The following LPP variants were observed in gnomAD, a reference collection of about 807,000 sequenced individuals.
LPP encodes the protein LIM domain containing preferred translocation partner in lipoma, also known as lipoma-preferred partner.
In LPP, 38 loss-of-function variants were observed where a neutral mutation model predicts 60.4. That is an observed-to-expected ratio of 0.63 (90% CI 0.49 to 0.83). The LOEUF (loss-of-function observed/expected upper bound fraction) is 0.83, where lower values mean the gene tolerates loss of function less well. Ranked by LOEUF, LPP falls within the 40% of genes least tolerant of loss-of-function variation. The pLI, the probability that LPP is intolerant of heterozygous loss-of-function variation, is 0.00. For missense variants in LPP, 902 were observed against 783.6 expected (o/e 1.15, Z -1.80); for synonymous variants, 328 against 290.8 (o/e 1.13, Z -1.30).
intron 4 of LPP, among the ~76,000 whole-genome samples, chr3:188,411,229 A>T (rs1422724549): frequency 1.3e-5 from 2 of 151,996 alleles, no homozygotes; most frequent in Non-Finnish European, 2.9e-5. Context: ...ATACCACCTT[A>T]CTCCTGCAAG....
intron 6 of LPP, among the ~76,000 whole-genome samples, chr3:188,563,486 G>GTGTGTGTGTGTGT (rs1553929550): frequency 3.5e-5 from 3 of 84,550 alleles, no homozygotes; most frequent in African/African-American, 6.5e-5. Flanking sequence ...GTGTGTGTGT[G>GTGTGTGTGTGTGT]GTATATTATC....
chr3:188,501,403 A>G (rs372206518), intron 5 of LPP, among the ~76,000 whole-genome samples: 2 of 152,178 alleles, frequency 1.3e-5, no homozygotes, highest in African/African-American at 2.4e-5. Context: ...TCACGAGGAC[A>G]GGAGTTTAAG....
At chr3:188,638,403 A>G (rs1457421408) in intron 7 of LPP, among the ~76,000 whole-genome samples, 5 of 144,626 alleles carry the variant, frequency 3.5e-5, no homozygotes, top group African/African-American at 1.3e-4. Context: ...CCCACAGCCA[A>G]TATCATACTG....
At chr3:188,643,644 G>A (rs1419431330) in intron 7 of LPP, among the ~76,000 whole-genome samples, 1 of 152,042 alleles carries the variant, frequency 6.6e-6, no homozygotes. Flanking sequence ...CCTGTCCTGT[G>A]CAGGAGTATA....
intron 5 of LPP, among the ~76,000 whole-genome samples, chr3:188,512,815 A>G (rs1227047991): frequency 3.3e-5 from 5 of 152,284 alleles, no homozygotes; most frequent in Admixed American, 6.5e-5. Context: ...ATTTTGGGGA[A>G]TGTGAGAAAG....
intron 7 of LPP, among the ~76,000 whole-genome samples, chr3:188,636,134 A>C (rs901819906): frequency 6.6e-6 from 1 of 152,210 alleles, no homozygotes; most frequent in African/African-American, 2.4e-5. Flanking sequence ...CTGCATTTCC[A>C]TCTGAGGTAC....
chr3:188,866,279 C>A lies in LPP; in HGVS notation c.1490C>A (p.Pro497His). The change falls in exon 10 of 12, where the codon CCT becomes CAT. Residue 497 changes from proline to histidine, a missense_variant. Pro to His is a moderately conservative substitution (Grantham distance 77). Transcript: ENST00000617246. ...CGAGCCACCGGGAAGGCCTATCATC[C>A]TCACTGTTTCACCTGCGTGATGTGC... is the stretch of plus-strand genomic sequence containing the variant. ...ILRATGKAYH[P>H]HCFTCVMCHR... The A allele has an allele frequency of 6.3e-7, 1 of 1,593,142 alleles. No homozygotes were observed. Among genetic ancestry groups the A allele is most frequent in the Admixed American group, 1.7e-5 (1 of 57,246 alleles).
chr3:188,565,106 A>G (rs765777575), intron 6 of LPP, among the ~76,000 whole-genome samples: 1 of 151,932 alleles, frequency 6.6e-6, no homozygotes, highest in Non-Finnish European at 1.5e-5. Flanking sequence ...TCTTCCTCCA[A>G]CACAGCTCCT....
chr3:188,371,820 A>G, intron 3 of LPP, among the ~76,000 whole-genome samples: 1 of 149,578 alleles, frequency 6.7e-6, no homozygotes, highest in East Asian at 2.0e-4. Flanking sequence ...ACACCTGGCT[A>G]ATTATTTTTG....
At chr3:188,273,787 G>A (rs1738692496) in intron 2 of LPP, among the ~76,000 whole-genome samples, 1 of 151,444 alleles carries the variant, frequency 6.6e-6, no homozygotes, top group Non-Finnish European at 1.5e-5. Context: ...GTAGAGATGG[G>A]GTTTCACCAT....
intron 2 of LPP, among the ~76,000 whole-genome samples, chr3:188,288,256 T>C (rs1470237894): frequency 6.6e-6 from 1 of 152,244 alleles, no homozygotes; most frequent in East Asian, 1.9e-4. Flanking sequence ...ATTCCACTTG[T>C]GAGCGACATT....
Position 188,249,902 on chromosome 3 carries a change from T to TATATATA in LPP, c.-67+24375_-67+24376insATATATA, listed in dbSNP as rs1491332868. Among the ~76,000 whole-genome samples the TATATATA allele has an allele frequency of 3.7e-5, 3 of 80,454 alleles. No homozygotes were observed. In the East Asian group the frequency reaches 8.1e-4, roughly 22 times the overall value. The allele number at this position is 80,454 out of a possible 152,430, so 52.8% of individuals were successfully genotyped here. A position where few individuals can be genotyped will look rare whatever the true frequency, so the allele number is the denominator to read the frequency against. ...CCCACCCCATATATATATATATATA[T>TATATATA]TTTTTTTTTTTCCAGAAGTATTTCA... On this transcript the variant is annotated intron_variant, in intron 2 of 11. Transcript: ENST00000617246.
At chr3:188,606,224 C>T (rs972826940) in intron 6 of LPP, among the ~76,000 whole-genome samples, 1 of 152,138 alleles carries the variant, frequency 6.6e-6, no homozygotes, top group Non-Finnish European at 1.5e-5. Flanking sequence ...CCCTGTCCTT[C>T]GTGACTCCTC....
intron 6 of LPP, among the ~76,000 whole-genome samples, chr3:188,551,261 C>T (rs1828048271): frequency 6.6e-6 from 1 of 152,062 alleles, no homozygotes; most frequent in African/African-American, 2.4e-5. Flanking sequence ...AAGCAGAAAC[C>T]CCTGATAAAA....
At chr3:188,682,886 T>C (rs1376114482) in intron 7 of LPP, among the ~76,000 whole-genome samples, 1 of 152,202 alleles carries the variant, frequency 6.6e-6, no homozygotes, top group East Asian at 1.9e-4. Context: ...ACTAGGGATG[T>C]GTATATCATA....
intron 5 of LPP, among the ~76,000 whole-genome samples, chr3:188,491,983 T>C (rs1430939026): frequency 1.3e-5 from 2 of 152,200 alleles, no homozygotes; most frequent in Admixed American, 1.3e-4. Flanking sequence ...CATATACACA[T>C]ACCCACCTAC....
At chr3:188,369,984 A>G (rs994033471) in intron 3 of LPP, among the ~76,000 whole-genome samples, 1 of 152,168 alleles carries the variant, frequency 6.6e-6, no homozygotes, top group African/African-American at 2.4e-5. Flanking sequence ...GCTGGAGTGC[A>G]GTGGCAGGAT....
intron 1 of LPP, among the ~76,000 whole-genome samples, chr3:188,211,130 T>C (rs1181871552): frequency 6.6e-6 from 1 of 152,224 alleles, no homozygotes; most frequent in Non-Finnish European, 1.5e-5. Context: ...AAGCTGCTTT[T>C]AGGACACATG....
chr3:188,611,211 T>A (rs1361557417), intron 7 of LPP, among the ~76,000 whole-genome samples: 2 of 152,212 alleles, frequency 1.3e-5, no homozygotes, highest in Admixed American at 1.3e-4. Context: ...GACCACTATA[T>A]GAAATTGGCC....
Sources: gnomAD v4.1 joint callset for allele counts (sites outside exome capture counted in the v4.1 genomes callset) on GRCh38, gnomAD v4.1.1 for gene constraint, MANE v1.5 for transcripts, NCBI Gene and HGNC (gene_info 2026-07-23, HGNC 2026-07-21) for gene names.